C3orf52: variants seen among roughly 807,000 people sequenced by gnomAD.
C3orf52 encodes chromosome 3 open reading frame 52.
A neutral mutation model predicts 24.8 loss-of-function variants in C3orf52; 22 were observed. That is an observed-to-expected ratio of 0.89 (90% CI 0.63 to 1.27). The LOEUF (loss-of-function observed/expected upper bound fraction) is 1.27. Among genes scored for constraint, C3orf52 ranks in the 50% most tolerant of loss-of-function variants. C3orf52 has a pLI of 0.00. For synonymous variants in C3orf52, 93 were observed against 100.2 expected, an observed-to-expected ratio of 0.93 and a Z score of 0.43; for missense variants, 265 against 260.7, an observed-to-expected ratio of 1.02 and a Z score of -0.11.
chr3:112,130,867 C>T (rs1053802060), downstream of C3orf52: 13 of 296,498 alleles, frequency 4.4e-5, no homozygotes, highest in Admixed American at 4.7e-4. Flanking sequence ...TGGTGCAGTT[C>T]CAGGAGCTAT....
intron 4 of C3orf52, chr3:112,112,158 A>G (rs2074089436): frequency 6.6e-6 from 1 of 152,268 alleles, no homozygotes; most frequent in Non-Finnish European, 1.5e-5. Flanking sequence ...GTAATAGGAT[A>G]ACTATGAATA....
At position 112,086,510 on chromosome 3, in the gene C3orf52, T is replaced by C; in HGVS notation, c.103T>C (p.Phe35Leu). The change falls in exon 1 of 6, where the codon TTC becomes CTC. Residue 35 changes from phenylalanine to leucine, a missense_variant. Physicochemically the swap from Phe to Leu is conservative, Grantham distance 22. Coordinates refer to ENST00000264848, the MANE Select transcript of C3orf52 (RefSeq NM_024616.3). ...NTPLNGADKV[F>L]PSLDEEVPPA... ...GCCTCTCAATGGTGCCGACAAGGTC[T>C]TCCCTTCTTTGGACGAGGAGGTCCC... The C allele has an allele frequency of 1.3e-6, 2 of 1,551,376 alleles. No homozygotes were observed. Among genetic ancestry groups the C allele is most frequent in the Non-Finnish European group, 1.7e-6 (2 of 1,146,782 alleles).
intron 2 of C3orf52, among the ~76,000 whole-genome samples, chr3:112,093,877 C>T (rs1394692413): frequency 1.3e-5 from 2 of 152,118 alleles, no homozygotes; most frequent in Admixed American, 1.3e-4. Flanking sequence ...TATACTTCAT[C>T]TGGTGTGTCT....
At chr3:112,125,934 C>G (rs2074308006) in intron 4 of C3orf52, among the ~76,000 whole-genome samples, 1 of 152,196 alleles carries the variant, frequency 6.6e-6, no homozygotes, top group Non-Finnish European at 1.5e-5. Context: ...TACCCTCTTG[C>G]AAACACACCA....
At chr3:112,135,837 A>G (rs1236313331), downstream of C3orf52, among the ~76,000 whole-genome samples, 1 of 152,152 alleles carries the variant, frequency 6.6e-6, no homozygotes, top group African/African-American at 2.4e-5. Flanking sequence ...ATCTGACGCT[A>G]ATGACTTGTA....
chr3:112,133,203 TAAAG>T (rs1282471333), downstream of C3orf52: 9 of 1,473,524 alleles, frequency 6.1e-6, no homozygotes, highest in Admixed American at 1.2e-4. Flanking sequence ...ACTCCTGACT[TAAAG>T]AAAGGGCTGT....
chr3:112,092,258 A>T (rs2073885148), intron 1 of C3orf52, among the ~76,000 whole-genome samples: 1 of 152,080 alleles, frequency 6.6e-6, no homozygotes, highest in Admixed American at 6.5e-5. Flanking sequence ...AAAGCTGAGG[A>T]CTTTGGGGCC....
downstream of C3orf52, among the ~76,000 whole-genome samples, chr3:112,120,472 A>T (rs2074176884): frequency 6.6e-6 from 1 of 152,222 alleles, no homozygotes; most frequent in South Asian, 2.1e-4. Context: ...ATAAGAATTT[A>T]TTCACAGAAT....
At chr3:112,118,638 C>T (rs1398404107), downstream of C3orf52, among the ~76,000 whole-genome samples, 1 of 152,110 alleles carries the variant, frequency 6.6e-6, no homozygotes, top group Non-Finnish European at 1.5e-5. Context: ...AAAAAACTAA[C>T]CTTTGTGACT....
chr3:112,109,713 GA>G, intron 4 of C3orf52, 100 bp downstream of exon 4: 1 of 702,240 alleles, frequency 1.4e-6, no homozygotes, highest in Non-Finnish European at 2.5e-6. Context: ...CAGAGCCTCA[GA>G]GCATGAAGGG....
In C3orf52 at chr3:112,116,992, C is replaced by G. The variant is rs754486018; in HGVS notation, c.*346C>G. The G allele has an allele frequency of 1.4e-6, 2 of 1,447,808 alleles. No homozygotes were observed. The highest frequency in any genetic ancestry group is 1.9e-6 in the Non-Finnish European group (2 of 1,074,532). 89.7% of individuals were successfully genotyped at this position (1,447,808 alleles called of 1,614,324 possible). A position where few individuals can be genotyped will look rare whatever the true frequency, so the allele number is the denominator to read the frequency against. The stretch of plus-strand genomic sequence containing the variant: ...TTTTTGAGACAGGGTCTCGTTCTGT[C>G]GCTTAGCTGGAGTGCGGTGGCGTGA... On this transcript the variant is annotated 3_prime_UTR_variant, in exon 6 of 6. Transcript: ENST00000264848.
downstream of C3orf52, chr3:112,128,881 AAGT>A (rs1317985653): frequency 6.6e-6 from 1 of 152,324 alleles, no homozygotes; most frequent in Non-Finnish European, 1.5e-5. Flanking sequence ...GCCCTTTATA[AAGT>A]AGTATCAGTT....
At chr3:112,110,654 T>G (rs918700039) in intron 4 of C3orf52, among the ~76,000 whole-genome samples, 7 of 152,236 alleles carry the variant, frequency 4.6e-5, no homozygotes, top group Non-Finnish European at 1.0e-4. Flanking sequence ...TTTTACATCA[T>G]TGGGACTATT....
intron 2 of C3orf52, among the ~76,000 whole-genome samples, chr3:112,096,833 T>C (rs114975818): frequency 0.023 from 3,457 of 152,336 alleles, 56 homozygotes; most frequent in South Asian, 0.067. Flanking sequence ...TGTGCAGCCT[T>C]CATTGCCTGT....
At chr3:112,108,303 C>T (rs543276153) in intron 3 of C3orf52, among the ~76,000 whole-genome samples, 2 of 152,248 alleles carry the variant, frequency 1.3e-5, no homozygotes, top group South Asian at 4.1e-4. Context: ...ATGTGAAGCA[C>T]TATTTTATAC....
At chr3:112,119,485 C>T (rs1043704830), downstream of C3orf52, 14 of 702,810 alleles carry the variant, frequency 2.0e-5, no homozygotes, top group African/African-American at 8.7e-5. Flanking sequence ...GGACTGAAGC[C>T]GAATCCTGAA....
At chr3:112,119,087 C>CA (rs1468253941), downstream of C3orf52, among the ~76,000 whole-genome samples, 3 of 152,014 alleles carry the variant, frequency 2.0e-5, no homozygotes, top group Non-Finnish European at 4.4e-5. Flanking sequence ...ACCCAGGGGT[C>CA]AAAAACAAAG....
chr3:112,131,554 T>A (rs770360348), downstream of C3orf52, among the ~76,000 whole-genome samples: 1 of 152,168 alleles, frequency 6.6e-6, no homozygotes, highest in Non-Finnish European at 1.5e-5. Context: ...CTCAAACTCC[T>A]GGGCTCAAGC....
At chr3:112,127,050 A>T (rs1250244924) in intron 4 of C3orf52, 9 of 1,535,292 alleles carry the variant, frequency 5.9e-6, no homozygotes, top group Non-Finnish European at 8.1e-6. Flanking sequence ...AAGAAAAGCA[A>T]AGCAAATTGT....
Sources: allele counts gnomAD v4.1 joint callset (sites outside exome capture counted in the v4.1 genomes callset), GRCh38; gene constraint gnomAD v4.1.1; transcripts MANE v1.5; gene names NCBI Gene and HGNC (gene_info 2026-07-23, HGNC 2026-07-21).